Variants in SEC14L1 observed in about 807,000 individuals in gnomAD.
SEC14L1 encodes SEC14 like lipid binding 1, also known as SEC14-like protein 1.
SEC14L1 carries 48 observed loss-of-function variants against 85.3 expected under a neutral mutation model. The observed-to-expected ratio is 0.56, with a 90% confidence interval of 0.45 to 0.72. The LOEUF is 0.72. SEC14L1 is among the 30% of genes least tolerant of loss of function. SEC14L1 has a pLI of 0.00. For missense variants in SEC14L1, 682 were observed against 921.4 expected (o/e 0.74, Z 3.36); for synonymous variants, 391 against 355.5 (o/e 1.10, Z -1.12).
intron 3 of SEC14L1, chr17:77,152,719 A>C (rs1304255728): frequency 6.6e-6 from 1 of 152,162 alleles, no homozygotes; most frequent in Non-Finnish European, 1.5e-5. Flanking sequence ...TATCCCACCT[A>C]ACAAAAGTAC....
chr17:77,118,687 T>C (rs1278653512), intron 3 of SEC14L1, among the ~76,000 whole-genome samples: 1 of 152,262 alleles, frequency 6.6e-6, no homozygotes, highest in African/African-American at 2.4e-5. Context: ...GTTATAATTA[T>C]GCATTTCGAC....
At chr17:77,138,288 A>G (rs1272494002), upstream of SEC14L1, among the ~76,000 whole-genome samples, 2 of 152,086 alleles carry the variant, frequency 1.3e-5, no homozygotes, top group African/African-American at 4.8e-5. Flanking sequence ...ATTTGTGGCT[A>G]ATGTTAGTCC....
intron 2 of SEC14L1, chr17:77,089,366 A>T (rs763403434): frequency 1.9e-6 from 1 of 518,984 alleles, no homozygotes; most frequent in South Asian, 1.4e-5. Flanking sequence ...GCAGCATGGT[A>T]CCAGGCAGCC....
intron 3 of SEC14L1, chr17:77,130,315 T>TTTTA (rs1236315752): frequency 2.0e-5 from 3 of 151,902 alleles, no homozygotes; most frequent in Non-Finnish European, 2.9e-5. Flanking sequence ...ATTAATTAAT[T>TTTTA]TTTATTTATT....
At chr17:77,135,833 C>T (rs1567885146) in intron 3 of SEC14L1, among the ~76,000 whole-genome samples, 1 of 149,904 alleles carries the variant, frequency 6.7e-6, no homozygotes, top group African/African-American at 2.4e-5. Flanking sequence ...GTATCTGGCG[C>T]CTCTCTCTCT....
At chr17:77,116,183 GTGT>G (rs1972168692) in intron 3 of SEC14L1, among the ~76,000 whole-genome samples, 1 of 152,108 alleles carries the variant, frequency 6.6e-6, no homozygotes, top group Non-Finnish European at 1.5e-5. Flanking sequence ...GTCCCCCAAA[GTGT>G]TGGGATTATA....
intron 7 of SEC14L1, among the ~76,000 whole-genome samples, chr17:77,195,588 A>G: frequency 6.6e-6 from 1 of 152,136 alleles, no homozygotes; most frequent in Non-Finnish European, 1.5e-5. Flanking sequence ...CCTGGGTTCA[A>G]GTGATTCTCC....
At chr17:77,212,273 T>C in intron 15 of SEC14L1, 72 bp downstream of exon 15, 2 of 1,568,006 alleles carry the variant, frequency 1.3e-6, no homozygotes, top group East Asian at 2.2e-5. Flanking sequence ...TTGAGTAGAC[T>C]CTTTGCTTCG....
In SEC14L1 at chr17:77,213,794, A is replaced by G. The variant is rs1459791696; in HGVS notation, c.2043-124A>G. Reference sequence around the variant, plus strand: ...TACTCATGTCCATCCCCCGTTTGCAAGCACTGATGGGGATGAGAAGTGAGC... The same window carrying G: ...TACTCATGTCCATCCCCCGTTTGCAGGCACTGATGGGGATGAGAAGTGAGC... On this transcript the variant is annotated intron_variant, in intron 16 of 16. Transcript: ENST00000436233. This position sits in a 1 kb window ranked among gnomAD's most constrained non-coding sequence, Gnocchi z 7.1. 7.9e-7 allele frequency: 1 copy of G among 1,261,924 alleles called. No homozygotes were observed. The highest frequency in any genetic ancestry group is 1.1e-6 in the Non-Finnish European group (1 of 871,494). 78.2% of individuals were successfully genotyped at this position (1,261,924 alleles called of 1,614,324 possible). A position where few individuals can be genotyped will look rare whatever the true frequency, so the allele number is the denominator to read the frequency against.
chr17:77,123,153 G>A (rs149184985), intron 3 of SEC14L1, among the ~76,000 whole-genome samples: 2,636 of 151,582 alleles, frequency 0.017, 80 homozygotes, highest in African/African-American at 0.061. Flanking sequence ...TGCTTCAAGC[G>A]ATCCTTCTGC....
chr17:77,195,556 C>T (rs1216890616), intron 7 of SEC14L1, among the ~76,000 whole-genome samples: 2 of 152,062 alleles, frequency 1.3e-5, no homozygotes, highest in Non-Finnish European at 2.9e-5. Flanking sequence ...GGCACAATCT[C>T]GGCTCAGTGC....
Position 77,107,259 on chromosome 17 carries a change from C to T in SEC14L1, c.-136+13912C>T, listed in dbSNP as rs981820271. Reference sequence around the variant, plus strand: ...GGCTCCGGGGTCCAGGCTCCAGGCACCAGGCTCTGGGTATTTAATCCTCAG... The same window carrying T: ...GGCTCCGGGGTCCAGGCTCCAGGCATCAGGCTCTGGGTATTTAATCCTCAG... On this transcript the variant is annotated intron_variant, in intron 3 of 19. Transcript: ENST00000392476. Among the ~76,000 whole-genome samples the T allele has an allele frequency of 5.9e-5, 9 of 152,162 alleles. 1 individual carries two copies. Among genetic ancestry groups the T allele is most frequent in the Admixed American group, 4.6e-4 (7 of 15,268 alleles).
At chr17:77,192,277 C>T (rs1368245220) in intron 5 of SEC14L1, among the ~76,000 whole-genome samples, 1 of 152,208 alleles carries the variant, frequency 6.6e-6, no homozygotes. Context: ...AGAATACTCT[C>T]CTGACAGATT....
Position 77,194,762 on chromosome 17 carries a change from C to T in SEC14L1, c.560C>T (p.Thr187Met), listed in dbSNP as rs1434393210. 6.8e-6 allele frequency: 11 copies of T among 1,614,064 alleles called. No homozygotes were observed. The highest frequency in any genetic ancestry group is 2.7e-5 in the African/African-American group (2 of 74,932). ...CCCCGTTGGAGTCCGCCTTCCATCACGACCTCTTCAGAGACATCTTCATCA... is the reference window on the plus strand; with the variant it reads ...CCCCGTTGGAGTCCGCCTTCCATCATGACCTCTTCAGAGACATCTTCATCA... Reference protein sequence around the residue: ...FVPRWSPPSITTSSETSSSSS... With the variant: ...FVPRWSPPSIMTSSETSSSSS... Residue 187 changes from threonine (T) to methionine (M), a missense_variant, in exon 7 of 17, where the codon ACG (threonine) becomes ATG (methionine). Around this residue, in one of 3 missense-constraint regions of SEC14L1, gnomAD observed 123 missense variants for 100.6 expected, o/e 1.22. Coordinates refer to ENST00000436233, the MANE Select transcript of SEC14L1 (RefSeq NM_001143998.2).
At chr17:77,189,790 G>A (rs975810721) in intron 3 of SEC14L1, among the ~76,000 whole-genome samples, 5 of 152,020 alleles carry the variant, frequency 3.3e-5, no homozygotes, top group Non-Finnish European at 7.4e-5. Context: ...CACCACGCCC[G>A]GCTAATTTTT....
chr17:77,209,758 GA>G (rs1490792479), intron 14 of SEC14L1: 3 of 301,712 alleles, frequency 9.9e-6, no homozygotes. Context: ...ACAGAGATAG[GA>G]ATAGCTAATC....
intron 3 of SEC14L1, among the ~76,000 whole-genome samples, chr17:77,175,501 C>T (rs1283741112): frequency 1.3e-5 from 2 of 152,206 alleles, no homozygotes; most frequent in African/African-American, 4.8e-5. Context: ...CCCAGATGTC[C>T]GTTATCTGTG....
At chr17:77,158,448 C>T (rs1017923674) in intron 3 of SEC14L1, among the ~76,000 whole-genome samples, 2 of 152,022 alleles carry the variant, frequency 1.3e-5, no homozygotes, top group African/African-American at 2.4e-5. Context: ...GTTACTTGAC[C>T]TTTTGTGTAA....
chr17:77,122,378 T>C (rs938671564), intron 3 of SEC14L1, among the ~76,000 whole-genome samples: 2 of 152,022 alleles, frequency 1.3e-5, no homozygotes, highest in African/African-American at 2.4e-5. Context: ...CTTGGCTCAC[T>C]GTAGCCTCAA....
Sources: gnomAD v4.1 joint callset for allele counts (sites outside exome capture counted in the v4.1 genomes callset) on GRCh38, gnomAD v4.1.1 for gene constraint, gnomAD v4.1.1 regional missense constraint, Gnocchi (gnomAD v3.1) non-coding constraint, MANE v1.5 for transcripts, NCBI Gene and HGNC (gene_info 2026-07-23, HGNC 2026-07-21) for gene names.